The following ZNF787 variants were observed in gnomAD, a reference collection of about 807,000 sequenced individuals.
ZNF787 encodes the protein zinc finger protein 787, also known as TTF-I-interacting peptide 20.
ZNF787 carries 7 observed loss-of-function variants against 16.9 expected under a neutral mutation model. That is an observed-to-expected ratio of 0.42 (90% confidence interval 0.24 to 0.78). The LOEUF (loss-of-function observed/expected upper bound fraction) is 0.78, where lower values mean the gene tolerates loss of function less well. ZNF787 is among the 30% of genes least tolerant of loss of function. ZNF787 has a pLI of 0.30. For missense variants in ZNF787, 551 were observed against 589.3 expected (o/e 0.94, Z 0.67); for synonymous variants, 345 against 270.9 (o/e 1.27, Z -2.69).
At chr19:56,099,015 C>A (rs1021188003) in intron 2 of ZNF787, among the ~76,000 whole-genome samples, 1 of 152,170 alleles carries the variant, frequency 6.6e-6, no homozygotes, top group South Asian at 2.1e-4. Flanking sequence ...AGCAAGGGGC[C>A]CAGAGACAAG....
chr19:56,097,506 C>A (rs1177980773), intron 2 of ZNF787, among the ~76,000 whole-genome samples: 1 of 152,236 alleles, frequency 6.6e-6, no homozygotes, highest in African/African-American at 2.4e-5. Context: ...GGCCTCAGCC[C>A]GGCAGGCAGT....
intron 2 of ZNF787, among the ~76,000 whole-genome samples, chr19:56,100,915 C>T (rs1488753443): frequency 1.4e-5 from 2 of 145,936 alleles, no homozygotes; most frequent in Non-Finnish European, 3.0e-5. Context: ...GGCCAACCCC[C>T]ACCACTCCAC....
At chr19:56,106,323 G>A (rs1030257090) in intron 1 of ZNF787, among the ~76,000 whole-genome samples, 1 of 152,236 alleles carries the variant, frequency 6.6e-6, no homozygotes, top group Non-Finnish European at 1.5e-5. Flanking sequence ...AGTGGTCCAT[G>A]CACCCACCCA....
At chr19:56,120,843 G>A (rs1599966269) in intron 1 of ZNF787, among the ~76,000 whole-genome samples, 1 of 59,580 alleles carries the variant, frequency 1.7e-5, no homozygotes, top group African/African-American at 6.8e-5. Context: ...GACCCCCACC[G>A]AGGCCCCCGC....
At position 56,102,716 on chromosome 19, in the gene ZNF787, G is replaced by A. The variant is rs113425274; in HGVS notation, c.79+423C>T. The A allele has an allele frequency of 3.8e-4, 210 of 556,118 alleles. 1 individual carries two copies. Among genetic ancestry groups the A allele is most frequent in the African/African-American group, 2.9e-3 (153 of 52,948 alleles). The allele number at this position is 556,118 out of a possible 1,614,324, so 34.4% of individuals were successfully genotyped here. ...CGGCATCAGCCTGCGGGTTCCCTGC[G>A]CTCCTGGGCCACCCCTGGTGTAAGG... is the stretch of plus-strand genomic sequence containing the variant. On this transcript the variant is annotated intron_variant, in intron 2 of 2. Transcript: ENST00000610935.
At chr19:56,111,131 C>T (rs1568534254) in intron 1 of ZNF787, among the ~76,000 whole-genome samples, 1 of 152,208 alleles carries the variant, frequency 6.6e-6, no homozygotes, top group African/African-American at 2.4e-5. Flanking sequence ...TGGCCCACTG[C>T]AGAGAGTCTG....
intron 1 of ZNF787, 74 bp from the exon 2 acceptor site, chr19:56,103,301 C>T: frequency 7.4e-7 from 1 of 1,350,876 alleles, no homozygotes; most frequent in Non-Finnish European, 1.0e-6. Flanking sequence ...TGCAGGGAGG[C>T]AGCCTGCAGA....
At chr19:56,109,777 G>A (rs545147921) in intron 1 of ZNF787, among the ~76,000 whole-genome samples, 6 of 152,280 alleles carry the variant, frequency 3.9e-5, no homozygotes, top group Admixed American at 1.3e-4. Flanking sequence ...CCAGCTACTC[G>A]GGAGGCTGAG....
At position 56,106,403 on chromosome 19, in the gene ZNF787, C is replaced by T. The variant is rs554897753; in HGVS notation, c.-10-3176G>A. 1.8e-4 allele frequency among the ~76,000 whole-genome samples: 27 copies of T among 152,372 alleles called. No homozygotes were observed. The South Asian group carries it at 5.6e-3, about 32-fold the overall frequency. On this transcript the variant is annotated intron_variant, in intron 1 of 2. Transcript: ENST00000610935. ...TATACTCCAGCTTCAACGCCGCGTC[C>T]ATCCATTTATTTCTGTGGACGTTCG...
intron 1 of ZNF787, among the ~76,000 whole-genome samples, chr19:56,119,081 T>C (rs1248224894): frequency 1.3e-5 from 2 of 152,214 alleles, no homozygotes; most frequent in African/African-American, 2.4e-5. Context: ...TCAGCTGCTC[T>C]GGGACAGGGA....
chr19:56,099,266 C>A (rs1985999838), intron 2 of ZNF787, among the ~76,000 whole-genome samples: 1 of 152,194 alleles, frequency 6.6e-6, no homozygotes, highest in South Asian at 2.1e-4. Flanking sequence ...CAAGACGGGA[C>A]CCTCTGGTTG....
chr19:56,088,087 T>C lies in ZNF787; in HGVS notation c.1085A>G (p.Glu362Gly). The C allele has an allele frequency of 7.4e-7, 1 of 1,347,890 alleles. No individual in the cohort carries two copies. The allele number at this position is 1,347,890 out of a possible 1,614,324, so 83.5% of individuals were successfully genotyped here. The stretch of plus-strand genomic sequence containing the variant: ...GCCCGCGGCCTCGTCGTCGTCGTCC[T>C]CCTCCTCCCCGCCCGCGCGGTAGTA... ...QSYYRAGGEE[E>G]DDDDEAAGGR... The change falls in exon 3 of 3, where the codon GAG becomes GGG. Residue 362 changes from glutamate (E) to glycine (G), a missense_variant. Around this residue, in one of 4 missense-constraint regions of ZNF787, gnomAD observed 392 missense variants for 312.7 expected, o/e 1.25. Coordinates refer to ENST00000610935, the MANE Select transcript of ZNF787 (RefSeq NM_001002836.4). The surrounding 1 kb of genome is among the most constrained non-coding windows in gnomAD (Gnocchi z 8.6).
At chr19:56,108,908 C>G (rs749097514) in intron 1 of ZNF787, among the ~76,000 whole-genome samples, 1 of 152,084 alleles carries the variant, frequency 6.6e-6, no homozygotes, top group Non-Finnish European at 1.5e-5. Context: ...CAGAGGCTAC[C>G]GACAGGAAAG....
chr19:56,087,861 G>GCC lies in ZNF787; in HGVS notation c.*160_*161dup, dbSNP rs200557300. Reference sequence around the variant, plus strand: ...TGAACGGGCCCTAATACGCCCCAGTGCCCCCCCACGGACGGCGCAGGGACA... The same window carrying GCC: ...TGAACGGGCCCTAATACGCCCCAGTGCCCCCCCCCACGGACGGCGCAGGGACA... On this transcript the variant is annotated 3_prime_UTR_variant, in exon 3 of 3. Coordinates refer to ENST00000610935, the MANE Select transcript of ZNF787 (RefSeq NM_001002836.4). 21 of 1,151,614 alleles carry GCC rather than the reference G, an allele frequency of 1.8e-5. No individual in the cohort carries two copies. Among genetic ancestry groups the GCC allele is most frequent in the South Asian group, 1.2e-4 (4 of 33,962 alleles). 71.3% of individuals were successfully genotyped at this position (1,151,614 alleles called of 1,614,324 possible).
At chr19:56,096,415 T>C (rs976578129) in intron 2 of ZNF787, among the ~76,000 whole-genome samples, 24 of 151,172 alleles carry the variant, frequency 1.6e-4, no homozygotes, top group Non-Finnish European at 2.8e-4. Flanking sequence ...CAAGACCCTG[T>C]CTCCAAAAAA....
intron 1 of ZNF787, among the ~76,000 whole-genome samples, chr19:56,103,833 C>T (rs1381234954): frequency 1.6e-5 from 2 of 126,122 alleles, no homozygotes; most frequent in Non-Finnish European, 3.5e-5. Flanking sequence ...GTGCCACGCA[C>T]CGGGAGGGTC....
chr19:56,100,785 G>A lies in ZNF787; in HGVS notation c.79+2354C>T, dbSNP rs112175449. ...TCACTGTCACACAGGAGGAATGCAC[G>A]TAAGCGGGACCCCACATGCTATGGC... On this transcript the variant is annotated intron_variant, in intron 2 of 2. Coordinates refer to ENST00000610935, the MANE Select transcript of ZNF787 (RefSeq NM_001002836.4). Among the ~76,000 whole-genome samples the A allele has an allele frequency of 4.0e-4, 57 of 143,152 alleles. No homozygotes were observed. In the East Asian group the frequency reaches 0.011, roughly 28 times the overall value. 93.9% of individuals were successfully genotyped at this position (143,152 alleles called of 152,430 possible).
chr19:56,093,715 CATA>C (rs1291181936), intron 2 of ZNF787, among the ~76,000 whole-genome samples: 1 of 152,202 alleles, frequency 6.6e-6, no homozygotes, highest in African/African-American at 2.4e-5. Context: ...TTCCGTGAGT[CATA>C]ATGCCATTTT....
chr19:56,115,814 G>A (rs2030119044), intron 1 of ZNF787, among the ~76,000 whole-genome samples: 1 of 152,182 alleles, frequency 6.6e-6, no homozygotes, highest in Admixed American at 6.5e-5. Context: ...GTGTGTTGTG[G>A]AGACAGCGGG....
Sources: gnomAD v4.1 joint callset for allele counts (sites outside exome capture counted in the v4.1 genomes callset) on GRCh38, gnomAD v4.1.1 for gene constraint, gnomAD v4.1.1 regional missense constraint, Gnocchi (gnomAD v3.1) non-coding constraint, MANE v1.5 for transcripts, NCBI Gene and HGNC (gene_info 2026-07-23, HGNC 2026-07-21) for gene names.